TTLL5: variants seen among roughly 807,000 people sequenced by gnomAD.
TTLL5 encodes tubulin polyglutamylase TTLL5.
Under a neutral mutation model 168.4 loss-of-function variants are expected in TTLL5, and 132 were observed. That is an observed-to-expected ratio of 0.78 (90% CI 0.68 to 0.91). The LOEUF (loss-of-function observed/expected upper bound fraction) is 0.91. Among genes scored for constraint, TTLL5 ranks in the 40% least tolerant of loss-of-function variants. The probability of loss-of-function intolerance (pLI) is 0.00; values close to 1 mark genes in which losing one functional copy is unlikely to be tolerated. For synonymous variants in TTLL5, 546 were observed against 558.6 expected (o/e 0.98, Z 0.32); for missense variants, 1,545 against 1,581.5 (o/e 0.98, Z 0.39).
At chr14:75,665,067 G>C (rs1883159762) in intron 2 of TTLL5, among the ~76,000 whole-genome samples, 1 of 152,166 alleles carries the variant, frequency 6.6e-6, no homozygotes, top group Non-Finnish European at 1.5e-5. Context: ...CATTACCTTA[G>C]ATCAGAGTTG....
At chr14:75,855,160 A>G (rs557646459) in intron 28 of TTLL5, among the ~76,000 whole-genome samples, 57 of 151,726 alleles carry the variant, frequency 3.8e-4, no homozygotes, top group African/African-American at 1.1e-3. Context: ...GAAAAAAAAA[A>G]AAAAAAGAAA....
At chr14:75,916,279 G>A (rs1437244713) in intron 31 of TTLL5, among the ~76,000 whole-genome samples, 1 of 152,098 alleles carries the variant, frequency 6.6e-6, no homozygotes, top group Non-Finnish European at 1.5e-5. Flanking sequence ...GAACCCCGGT[G>A]TACTGTTGGG....
intron 12 of TTLL5, among the ~76,000 whole-genome samples, chr14:75,722,803 A>G (rs1458200802): frequency 6.6e-6 from 1 of 152,154 alleles, no homozygotes. Context: ...GGCATGAGCT[A>G]CCATGTAAGC....
intron 10 of TTLL5, among the ~76,000 whole-genome samples, chr14:75,718,547 C>T (rs144652759): frequency 2.0e-5 from 3 of 152,152 alleles, no homozygotes; most frequent in East Asian, 1.9e-4. Flanking sequence ...GAAGTAGTAC[C>T]GAAGTGTTAA....
chr14:75,708,569 C>T (rs1475457665), intron 9 of TTLL5, among the ~76,000 whole-genome samples: 4 of 152,034 alleles, frequency 2.6e-5, no homozygotes, highest in Non-Finnish European at 5.9e-5. Context: ...TCGTGATCCG[C>T]CTGCCTCAGC....
At chr14:75,879,425 T>C (rs1433750206) in intron 29 of TTLL5, among the ~76,000 whole-genome samples, 2 of 152,216 alleles carry the variant, frequency 1.3e-5, no homozygotes, top group Admixed American at 6.5e-5. Flanking sequence ...TCCCATCCTT[T>C]AGTTTCTCAG....
intron 31 of TTLL5, among the ~76,000 whole-genome samples, chr14:75,940,357 G>T (rs1485681020): frequency 2.0e-5 from 3 of 152,060 alleles, no homozygotes; most frequent in African/African-American, 7.2e-5. Flanking sequence ...GGGATTACAG[G>T]CATGAGCCAC....
At position 75,683,704 on chromosome 14, in the gene TTLL5, T is replaced by C; in HGVS notation, c.371+48T>C. 3 of 1,431,280 alleles carry C rather than the reference T, an allele frequency of 2.1e-6. No individual in the cohort carries two copies. The South Asian group carries it at 3.4e-5, about 16-fold the overall frequency. The allele number at this position is 1,431,280 out of a possible 1,614,324, so 88.7% of individuals were successfully genotyped here. ...TGCTTCATTTAAAGGTACATGACAT[T>C]GGGGCATGTAGCCAGCAAAGGTAAT... On this transcript the variant is annotated intron_variant, in intron 5 of 31. Coordinates refer to ENST00000298832, the MANE Select transcript of TTLL5 (RefSeq NM_015072.5).
At chr14:75,854,615 T>G (rs1024267585) in intron 28 of TTLL5, among the ~76,000 whole-genome samples, 5 of 152,238 alleles carry the variant, frequency 3.3e-5, no homozygotes, top group African/African-American at 1.2e-4. Flanking sequence ...ATTGCATCAT[T>G]TTACACCCCC....
chr14:75,746,366 A>T (rs1889611256), intron 17 of TTLL5, among the ~76,000 whole-genome samples: 1 of 152,102 alleles, frequency 6.6e-6, no homozygotes, highest in Non-Finnish European at 1.5e-5. Flanking sequence ...GTCTCTTTTG[A>T]AGAAAGCCGC....
At chr14:75,675,799 T>C (rs1884101045) in intron 3 of TTLL5, among the ~76,000 whole-genome samples, 1 of 152,156 alleles carries the variant, frequency 6.6e-6, no homozygotes, top group African/African-American at 2.4e-5. Flanking sequence ...AGTCAGGGTG[T>C]TCCAGAGAAA....
intron 28 of TTLL5, among the ~76,000 whole-genome samples, chr14:75,830,836 C>T (rs1895520364): frequency 6.6e-6 from 1 of 152,124 alleles, no homozygotes; most frequent in Non-Finnish European, 1.5e-5. Context: ...TGTTCTCACA[C>T]AGGGCTCAGT....
intron 28 of TTLL5, among the ~76,000 whole-genome samples, chr14:75,858,156 A>T (rs1177900960): frequency 6.6e-6 from 1 of 152,194 alleles, no homozygotes; most frequent in Non-Finnish European, 1.5e-5. Flanking sequence ...GAGGAAGCCA[A>T]TAGAATCAAA....
At chr14:75,840,975 G>A (rs116282565) in intron 28 of TTLL5, among the ~76,000 whole-genome samples, 1,693 of 152,310 alleles carry the variant, frequency 0.011, 26 homozygotes, top group African/African-American at 0.037. Context: ...ATGGCAGAAG[G>A]TGAAGGGGAG....
At chr14:75,824,456 C>G (rs572377420) in intron 28 of TTLL5, among the ~76,000 whole-genome samples, 1 of 152,064 alleles carries the variant, frequency 6.6e-6, no homozygotes. Context: ...CCTTGAGGGT[C>G]GTATGCTCAG....
intron 8 of TTLL5, 93 bp from the exon 9 acceptor site, chr14:75,707,530 T>G: frequency 9.0e-7 from 1 of 1,110,346 alleles, no homozygotes; most frequent in Non-Finnish European, 1.3e-6. Flanking sequence ...AGGAATGTTC[T>G]TTCTTTCATG....
intron 30 of TTLL5, among the ~76,000 whole-genome samples, chr14:75,898,234 T>G (rs1356959089): frequency 1.3e-5 from 2 of 152,244 alleles, no homozygotes; most frequent in Non-Finnish European, 2.9e-5. Context: ...TTCCAATTGA[T>G]TTTACACTTA....
chr14:75,717,993 G>A lies in TTLL5; in HGVS notation c.842+31G>A, dbSNP rs531686983. 14 of 1,600,916 alleles carry A rather than the reference G, an allele frequency of 8.7e-6. No homozygotes were observed. In the South Asian group the frequency reaches 1.3e-4, roughly 15 times the overall value. ...GGCTGTGTCTGAGCCAGAAGTCAGA[G>A]GTGTCAGTCTCAGATGTGGGTGTTG... On this transcript the variant is annotated intron_variant, in intron 10 of 31. Transcript: ENST00000298832.
intron 3 of TTLL5, among the ~76,000 whole-genome samples, chr14:75,680,980 A>G (rs1445444012): frequency 1.3e-5 from 2 of 152,094 alleles, no homozygotes; most frequent in Non-Finnish European, 2.9e-5. Context: ...GGCAGTCTGG[A>G]GAAGCCCATG....
Sources: gnomAD v4.1 joint callset for allele counts (sites outside exome capture counted in the v4.1 genomes callset) on GRCh38, gnomAD v4.1.1 for gene constraint, MANE v1.5 for transcripts, NCBI Gene and HGNC (gene_info 2026-07-23, HGNC 2026-07-21) for gene names.